LDLRAD4: variants seen among roughly 807,000 people sequenced by gnomAD.
The protein encoded by LDLRAD4 is low density lipoprotein receptor class A domain containing 4.
In LDLRAD4, 5 loss-of-function variants were observed where a neutral mutation model predicts 17.0. That is an observed-to-expected ratio of 0.29 (90% CI 0.15 to 0.62). The LOEUF is 0.62. LDLRAD4 is among the 20% of genes least tolerant of loss of function. LDLRAD4 has a pLI of 0.84. For synonymous variants in LDLRAD4, 168 were observed against 171.8 expected, an observed-to-expected ratio of 0.98 and a Z score of 0.17; for missense variants, 340 against 424.7, an observed-to-expected ratio of 0.80 and a Z score of 1.75.
At chr18:13,276,365 T>C (rs1341657054), upstream of LDLRAD4, among the ~76,000 whole-genome samples, 3 of 152,218 alleles carry the variant, frequency 2.0e-5, no homozygotes, top group African/African-American at 7.2e-5. Context: ...TATTATAAAC[T>C]TAGGAGCTGA....
intron 1 of LDLRAD4, among the ~76,000 whole-genome samples, chr18:13,306,867 T>G (rs1027798671): frequency 1.3e-5 from 2 of 152,026 alleles, no homozygotes; most frequent in African/African-American, 4.8e-5. Flanking sequence ...TTTCAAGATA[T>G]GGATCTTGGA....
chr18:13,554,377 A>G (rs1426751808), intron 3 of LDLRAD4, among the ~76,000 whole-genome samples: 1 of 152,248 alleles, frequency 6.6e-6, no homozygotes, highest in Admixed American at 6.5e-5. Context: ...AAGGGAGTCA[A>G]ATGAAACAAA....
At chr18:13,642,857 G>A (rs1356542483) in intron 4 of LDLRAD4, 4 of 596,670 alleles carry the variant, frequency 6.7e-6, no homozygotes, top group Non-Finnish European at 9.8e-6. Flanking sequence ...TAGACAAGAG[G>A]TCTGAAAAGG....
intron 3 of LDLRAD4, among the ~76,000 whole-genome samples, chr18:13,601,935 A>G (rs903453722): frequency 6.6e-6 from 1 of 152,256 alleles, no homozygotes; most frequent in African/African-American, 2.4e-5. Context: ...TAGTGGATGA[A>G]GAAAATGTGG....
intron 1 of LDLRAD4, among the ~76,000 whole-genome samples, chr18:13,296,206 G>T (rs1436583311): frequency 2.0e-5 from 3 of 152,252 alleles, no homozygotes; most frequent in Non-Finnish European, 4.4e-5. Flanking sequence ...CTTCTGCTTC[G>T]CAAGAGGCGA....
chr18:13,554,903 C>G (rs2094469135), intron 3 of LDLRAD4, among the ~76,000 whole-genome samples: 1 of 152,080 alleles, frequency 6.6e-6, no homozygotes, highest in Non-Finnish European at 1.5e-5. Flanking sequence ...GGTAGAGAAA[C>G]CTGACAAACA....
Position 13,441,818 on chromosome 18 carries a change from A to T in LDLRAD4, c.181+3434A>T, listed in dbSNP as rs115623865. On this transcript the variant is annotated intron_variant, in intron 3 of 5. Transcript: ENST00000359446. ...GTGTTTGGAGCCCAGGCTGAGGCAT[A>T]GTGGGTTTCATCTGCCTTTTGCCTC... 8.0e-3 allele frequency among the ~76,000 whole-genome samples: 1,225 copies of T among 152,352 alleles called. 19 individuals are homozygous for T. Among genetic ancestry groups the T allele is most frequent in the African/African-American group, 0.029 (1,192 of 41,570 alleles).
chr18:13,422,352 T>C (rs1490777765), intron 2 of LDLRAD4, among the ~76,000 whole-genome samples: 1 of 152,186 alleles, frequency 6.6e-6, no homozygotes, highest in Non-Finnish European at 1.5e-5. Context: ...TAAGGCTTAG[T>C]CATTGCCACT....
rs981777545 is a variant in LDLRAD4 at position 13,263,496 on chromosome 18, C to T, written c.-466-14609C>T. ...TAACACACAGAGCTGTGCAGTGAGG[C>T]AGGCAGGAGCTTGCTTGGGAGAGAG... On this transcript the variant is annotated intron_variant, in intron 1 of 5. Coordinates refer to the LDLRAD4 transcript ENST00000399848. 2.0e-5 allele frequency among the ~76,000 whole-genome samples: 3 copies of T among 152,162 alleles called. No homozygotes were observed. In the East Asian group the frequency reaches 5.8e-4, roughly 29 times the overall value.
chr18:13,510,155 G>T (rs1182027130), intron 3 of LDLRAD4, among the ~76,000 whole-genome samples: 1 of 152,152 alleles, frequency 6.6e-6, no homozygotes, highest in African/African-American at 2.4e-5. Flanking sequence ...GAACCGTATT[G>T]TTCAGAGGCA....
intron 3 of LDLRAD4, chr18:13,521,578 A>G (rs557210737): frequency 1.5e-4 from 23 of 152,170 alleles, no homozygotes; most frequent in African/African-American, 5.3e-4. Context: ...ATCCTCTGTC[A>G]TTGCTCTCTT....
At chr18:13,624,428 G>T (rs1295180792) in intron 4 of LDLRAD4, among the ~76,000 whole-genome samples, 1 of 152,242 alleles carries the variant, frequency 6.6e-6, no homozygotes, top group African/African-American at 2.4e-5. Context: ...CTGAGTAGGA[G>T]GGGGAAACAG....
chr18:13,533,969 T>A (rs2094166352), intron 3 of LDLRAD4, among the ~76,000 whole-genome samples: 1 of 152,164 alleles, frequency 6.6e-6, no homozygotes, highest in South Asian at 2.1e-4. Flanking sequence ...GAGAGGGTCG[T>A]GAAGCTCTTG....
At chr18:13,561,203 G>T (rs2094537139) in intron 3 of LDLRAD4, among the ~76,000 whole-genome samples, 1 of 152,240 alleles carries the variant, frequency 6.6e-6, no homozygotes. Context: ...AAGGCGTTAA[G>T]AGCGTGACAT....
chr18:13,383,972 A>T (rs972030245), intron 1 of LDLRAD4, among the ~76,000 whole-genome samples: 1 of 152,214 alleles, frequency 6.6e-6, no homozygotes, highest in Admixed American at 6.5e-5. Flanking sequence ...CTCAGAGTGT[A>T]TATAGGAATA....
chr18:13,571,502 C>T (rs563062640), intron 3 of LDLRAD4, among the ~76,000 whole-genome samples: 7 of 152,226 alleles, frequency 4.6e-5, no homozygotes, highest in Non-Finnish European at 8.8e-5. Flanking sequence ...CTGGGCTCAT[C>T]CCCAGCAGGG....
intron 3 of LDLRAD4, among the ~76,000 whole-genome samples, chr18:13,510,825 CT>C (rs2147459596): frequency 6.6e-6 from 1 of 152,200 alleles, no homozygotes; most frequent in African/African-American, 2.4e-5. Flanking sequence ...CAGAGAGGCA[CT>C]ACCTGGGGCA....
At chr18:13,317,532 A>G (rs1422080685) in intron 1 of LDLRAD4, among the ~76,000 whole-genome samples, 3 of 152,246 alleles carry the variant, frequency 2.0e-5, no homozygotes, top group Non-Finnish European at 4.4e-5. Context: ...TTTTTAATAA[A>G]TTGAACAATT....
At chr18:13,253,550 T>G (rs546637724) in intron 1 of LDLRAD4, among the ~76,000 whole-genome samples, 2 of 152,154 alleles carry the variant, frequency 1.3e-5, no homozygotes, top group African/African-American at 4.8e-5. Flanking sequence ...TCGGATTGAT[T>G]ATGACACATG....
Sources: gnomAD v4.1 joint callset for allele counts (sites outside exome capture counted in the v4.1 genomes callset) on GRCh38, gnomAD v4.1.1 for gene constraint, MANE v1.5 for transcripts, NCBI Gene and HGNC (gene_info 2026-07-23, HGNC 2026-07-21) for gene names.